Variants in AREL1 observed in about 807,000 individuals in gnomAD.
AREL1 encodes apoptosis resistant E3 ubiquitin protein ligase 1.
In AREL1, 62 loss-of-function variants were observed where a neutral mutation model predicts 99.0. That is an observed-to-expected ratio of 0.63 (90% CI 0.51 to 0.77). AREL1 has a LOEUF of 0.77. Among genes scored for constraint, AREL1 ranks in the 30% least tolerant of loss-of-function variants. The pLI, the probability that AREL1 is intolerant of heterozygous loss-of-function variation, is 0.00. For missense variants in AREL1, 879 were observed against 1,027.6 expected, an observed-to-expected ratio of 0.86 and a Z score of 1.98; for synonymous variants, 380 against 376.5, an observed-to-expected ratio of 1.01 and a Z score of -0.11.
At chr14:74,685,739 A>T in intron 2 of AREL1, 79 bp from the exon 3 acceptor site, 1 of 1,293,126 alleles carries the variant, frequency 7.7e-7, no homozygotes, top group Non-Finnish European at 1.1e-6. Context: ...AGAAGAGTGT[A>T]TGGCGTGAGC....
At chr14:74,710,618 T>C (rs2090262224) in intron 1 of AREL1, among the ~76,000 whole-genome samples, 2 of 152,176 alleles carry the variant, frequency 1.3e-5, no homozygotes, top group South Asian at 4.1e-4. Flanking sequence ...CTATTAGCTC[T>C]ACACATGAAT....
chr14:74,681,878 A>G (rs4899528), intron 5 of AREL1, among the ~76,000 whole-genome samples: 1 of 152,010 alleles, frequency 6.6e-6, no homozygotes, highest in Admixed American at 6.6e-5. Context: ...CTGTACCTTG[A>G]CTGTATCAAT....
At chr14:74,697,506 T>C (rs1376041584) in intron 1 of AREL1, among the ~76,000 whole-genome samples, 1 of 152,244 alleles carries the variant, frequency 6.6e-6, no homozygotes, top group East Asian at 1.9e-4. Context: ...TCTTAGTTTA[T>C]ACTCCCCAAC....
rs752460182 is a variant in AREL1 at position 74,669,991 on chromosome 14, G to A, written c.1744C>T (p.Arg582Cys). The change falls in exon 14 of 20, where the codon CGC (arginine) becomes TGC (cysteine). Residue 582 changes from arginine to cysteine, a missense_variant. Physicochemically the swap from Arg to Cys is radical, Grantham distance 180. Coordinates refer to ENST00000356357, the MANE Select transcript of AREL1 (RefSeq NM_001039479.2). ...CCTATGATTTGGGCCAGGAAAGAGCGGGTGAAGCGAGCTCGGACCAACTGC... is the reference window on the plus strand; with the variant it reads ...CCTATGATTTGGGCCAGGAAAGAGCAGGTGAAGCGAGCTCGGACCAACTGC... ...YKQLVRARFT[R>C]SFLAQIIGLR... 15 of 1,613,690 alleles carry A rather than the reference G, an allele frequency of 9.3e-6. No homozygotes were observed. The highest frequency in any genetic ancestry group is 3.3e-5 in the Admixed American group (2 of 59,952).
At chr14:74,678,311 A>C (rs2089541144) in intron 5 of AREL1, 1 of 427,378 alleles carries the variant, frequency 2.3e-6, no homozygotes, top group Non-Finnish European at 4.6e-6. Context: ...ACCCTGGGCA[A>C]CATAGTGAGA....
chr14:74,699,515 G>C (rs995807050), intron 1 of AREL1, among the ~76,000 whole-genome samples: 7 of 152,078 alleles, frequency 4.6e-5, no homozygotes, highest in African/African-American at 1.7e-4. Context: ...CTCAACCGTG[G>C]ACTGGAATAA....
At chr14:74,711,206 G>C (rs1199698102) in intron 1 of AREL1, among the ~76,000 whole-genome samples, 1 of 145,288 alleles carries the variant, frequency 6.9e-6, no homozygotes, top group East Asian at 2.0e-4. Context: ...ACTCCAGCCT[G>C]GGTAACAAGA....
rs748714324 is a variant in AREL1, at chr14:74,667,509, C to T, written c.2000G>A (p.Arg667Gln). 3 of 1,613,618 alleles carry T rather than the reference C, an allele frequency of 1.9e-6. No individual in the cohort carries two copies. Among genetic ancestry groups the T allele is most frequent in the African/African-American group, 1.3e-5 (1 of 74,958 alleles). ...IFYLNLLAQY[R>Q]LASQVKEEVE... ...CTCCTCTTTCACTTGACTGGCCAGC[C>T]GATATTGGGCCAGCAAATTTAAATA... The change falls in exon 16 of 20, where the codon CGG becomes CAG. Residue 667 changes from arginine (R) to glutamine (Q), a missense_variant. Physicochemically the swap from Arg to Gln is conservative, Grantham distance 43. Transcript: ENST00000356357.
intron 1 of AREL1, among the ~76,000 whole-genome samples, chr14:74,701,283 T>C (rs1460314057): frequency 6.6e-6 from 1 of 152,162 alleles, no homozygotes; most frequent in Non-Finnish European, 1.5e-5. Flanking sequence ...ATTAGTCCAA[T>C]TTCATGCTGC....
chr14:74,700,859 A>G (rs966146071), intron 1 of AREL1, among the ~76,000 whole-genome samples: 1 of 152,210 alleles, frequency 6.6e-6, no homozygotes, highest in African/African-American at 2.4e-5. Context: ...ACAACAACAA[A>G]AAGATGTTTT....
At chr14:74,708,989 A>G (rs2090233918) in intron 1 of AREL1, among the ~76,000 whole-genome samples, 1 of 152,252 alleles carries the variant, frequency 6.6e-6, no homozygotes, top group Admixed American at 6.5e-5. Context: ...CATACACACA[A>G]ACTGCAATAA....
intron 18 of AREL1, among the ~76,000 whole-genome samples, chr14:74,664,448 C>CTTTTTTTTTTTTTTTTTTTT (rs56728679): frequency 1.3e-5 from 1 of 76,896 alleles, no homozygotes; most frequent in Non-Finnish European, 2.4e-5. Flanking sequence ...CTTTTCCTTT[C>CTTTTTTTTTTTTTTTTTTTT]TTTTTTTTTT....
At chr14:74,711,930 A>G (rs2033719271) in intron 1 of AREL1, 2 of 151,812 alleles carry the variant, frequency 1.3e-5, no homozygotes, top group Admixed American at 6.6e-5. Context: ...ACCTGATAAC[A>G]TATTTTACTT....
chr14:74,661,287 A>G lies in AREL1; in HGVS notation c.*2433T>C, dbSNP rs1203280882. 2 of 456,298 alleles carry G rather than the reference A, an allele frequency of 4.4e-6. No homozygotes were observed. Among genetic ancestry groups the G allele is most frequent in the South Asian group, 1.5e-5 (1 of 64,522 alleles). The allele number at this position is 456,298 out of a possible 1,614,324, so 28.3% of individuals were successfully genotyped here. A position where few individuals can be genotyped will look rare whatever the true frequency, so the allele number is the denominator to read the frequency against. ...TAAACATTTATTTATCTACTGTACA[A>G]AATATTTACATCATCAGCTGCAACT... On this transcript the variant is annotated 3_prime_UTR_variant, in exon 20 of 20. Transcript: ENST00000356357.
In AREL1 at chr14:74,676,574, A is replaced by G; in HGVS notation, c.651+9T>C. On this transcript the variant is annotated intron_variant, in intron 6 of 19. Coordinates refer to ENST00000356357, the MANE Select transcript of AREL1 (RefSeq NM_001039479.2). ...TCTAGCACACAGATAAAGAAGGGAG[A>G]CTGCTTACCTCATGAATGGACAAGG... is the stretch of plus-strand genomic sequence containing the variant. The G allele has an allele frequency of 6.2e-7, 1 of 1,610,168 alleles. No homozygotes were observed. The highest frequency in any genetic ancestry group is 1.1e-5 in the South Asian group (1 of 90,544).
intron 11 of AREL1, among the ~76,000 whole-genome samples, chr14:74,671,775 T>C (rs1389332733): frequency 6.6e-6 from 1 of 152,192 alleles, no homozygotes; most frequent in Non-Finnish European, 1.5e-5. Context: ...GTTTTAGCAA[T>C]GAAAACATTC....
intron 5 of AREL1, among the ~76,000 whole-genome samples, chr14:74,682,753 T>C (rs777291202): frequency 1.2e-4 from 19 of 152,224 alleles, no homozygotes; most frequent in Non-Finnish European, 2.2e-4. Context: ...ATGCAAGATC[T>C]GTTTGTTTAG....
intron 1 of AREL1, among the ~76,000 whole-genome samples, chr14:74,704,542 G>A (rs2139985374): frequency 6.6e-6 from 1 of 152,220 alleles, no homozygotes; most frequent in East Asian, 1.9e-4. Flanking sequence ...GTAGGCAGGG[G>A]ATGACTCTGA....
At chr14:74,711,365 C>A (rs915914024) in intron 1 of AREL1, among the ~76,000 whole-genome samples, 1 of 151,406 alleles carries the variant, frequency 6.6e-6, no homozygotes, top group African/African-American at 2.4e-5. Flanking sequence ...CATGGTGAAA[C>A]CCATCTCTAT....
Sources: gnomAD v4.1 joint callset for allele counts (sites outside exome capture counted in the v4.1 genomes callset) on GRCh38, gnomAD v4.1.1 for gene constraint, MANE v1.5 for transcripts, NCBI Gene and HGNC (gene_info 2026-07-23, HGNC 2026-07-21) for gene names.